ADGRL2: variants seen among roughly 807,000 people sequenced by gnomAD.
ADGRL2 encodes adhesion G protein-coupled receptor L2.
ADGRL2 carries 44 observed loss-of-function variants against 157.4 expected under a neutral mutation model. The ratio of observed to expected loss-of-function variants is 0.28; its 90% confidence interval spans 0.22 to 0.36. The LOEUF is 0.36. Among genes scored for constraint, ADGRL2 ranks in the 10% least tolerant of loss-of-function variants. ADGRL2 has a pLI of 1.00. For missense variants in ADGRL2, 1,510 were observed against 1,768.9 expected, an observed-to-expected ratio of 0.85 and a Z score of 2.63; for synonymous variants, 585 against 624.7, an observed-to-expected ratio of 0.94 and a Z score of 0.95.
chr1:81,740,873 A>T (rs971920393), intron 1 of ADGRL2, among the ~76,000 whole-genome samples: 5 of 152,170 alleles, frequency 3.3e-5, no homozygotes, highest in Non-Finnish European at 7.4e-5. Flanking sequence ...GTATTAGAGA[A>T]GGAGGGTCAG....
chr1:81,412,557 C>T (rs2076964306), intron 1 of ADGRL2, among the ~76,000 whole-genome samples: 1 of 152,188 alleles, frequency 6.6e-6, no homozygotes, highest in Non-Finnish European at 1.5e-5. Flanking sequence ...ATTTAACTTT[C>T]TCTCCACTTG....
rs777738816 is a variant in ADGRL2 at position 81,942,950 on chromosome 1, C to A, written c.410-19C>A. 6.1e-5 allele frequency: 97 copies of A among 1,579,546 alleles called. No homozygotes were observed. The highest frequency in any genetic ancestry group is 7.8e-5 in the Non-Finnish European group (90 of 1,156,800). On this transcript the variant is annotated intron_variant, in intron 5 of 23. Coordinates refer to ENST00000686636, the MANE Select transcript of ADGRL2 (RefSeq NM_001366006.2). ...TTTTTTAACTTGGCTTAATTTTTGT[C>A]TTTCTCTGTAACTGTTAGTTTTTGT...
intron 2 of ADGRL2, among the ~76,000 whole-genome samples, chr1:81,782,387 G>A (rs947492240): frequency 6.6e-6 from 1 of 152,128 alleles, no homozygotes; most frequent in African/African-American, 2.4e-5. Flanking sequence ...ATATTAATGA[G>A]GGGGTAATTT....
rs1447657850 is a variant in ADGRL2 at position 81,398,443 on chromosome 1, C to A, written c.-301-46593C>A. Among the ~76,000 whole-genome samples the A allele has an allele frequency of 2.0e-5, 3 of 151,992 alleles. No individual in the cohort carries two copies. In the East Asian group the frequency reaches 5.8e-4, roughly 29 times the overall value. ...TTTTCTGTAATGAAAGTATTTGATT[C>A]TTTTCTCTTTTTTTCTCTATCGATC... On this transcript the variant is annotated intron_variant, in intron 1 of 24. Coordinates refer to the ADGRL2 transcript ENST00000370721.
intron 2 of ADGRL2, among the ~76,000 whole-genome samples, chr1:81,771,357 T>C (rs1287074933): frequency 6.6e-6 from 1 of 152,202 alleles, no homozygotes; most frequent in Non-Finnish European, 1.5e-5. Flanking sequence ...AGACATTTAC[T>C]GAATGGGGTG....
At chr1:81,868,096 A>T (rs895099450) in intron 2 of ADGRL2, among the ~76,000 whole-genome samples, 2 of 94,388 alleles carry the variant, frequency 2.1e-5, no homozygotes, top group Admixed American at 1.1e-4. Flanking sequence ...TGTGTGTGTG[A>T]TAAAAATTAT....
intron 1 of ADGRL2, among the ~76,000 whole-genome samples, chr1:81,825,314 G>A (rs749793032): frequency 6.6e-6 from 1 of 152,154 alleles, no homozygotes; most frequent in Non-Finnish European, 1.5e-5. Flanking sequence ...TTGAGCTATG[G>A]TCGTGCCATT....
Position 81,965,663 on chromosome 1 carries a change from T to C in ADGRL2, c.2018-395T>C, listed in dbSNP as rs569101128. Reference sequence around the variant, plus strand: ...TGCCAAGTAATGGTCATTGAAAAGTTACTTAATATAAAGAGCCAAAAAATA... The same window carrying C: ...TGCCAAGTAATGGTCATTGAAAAGTCACTTAATATAAAGAGCCAAAAAATA... On this transcript the variant is annotated intron_variant, in intron 11 of 23. Coordinates refer to ENST00000686636, the MANE Select transcript of ADGRL2 (RefSeq NM_001366006.2). Among the ~76,000 whole-genome samples, 3 of 152,344 alleles carry C rather than the reference T, an allele frequency of 2.0e-5. No individual in the cohort carries two copies. The South Asian group carries it at 6.2e-4, about 32-fold the overall frequency.
intron 1 of ADGRL2, among the ~76,000 whole-genome samples, chr1:81,334,019 T>A (rs891111760): frequency 1.3e-5 from 2 of 152,244 alleles, no homozygotes; most frequent in Non-Finnish European, 2.9e-5. Flanking sequence ...GGAAACTTGA[T>A]CTTAGACTTC....
At chr1:81,673,029 T>G (rs2082907347) in intron 3 of ADGRL2, among the ~76,000 whole-genome samples, 1 of 152,236 alleles carries the variant, frequency 6.6e-6, no homozygotes, top group Admixed American at 6.5e-5. Flanking sequence ...GATTGAAACC[T>G]TTAGGAAGCA....
At chr1:81,951,244 A>C in intron 8 of ADGRL2, 123 bp downstream of exon 8, 1 of 602,618 alleles carries the variant, frequency 1.7e-6, no homozygotes, top group Non-Finnish European at 2.9e-6. Context: ...AAAGTAAAAA[A>C]AAATTACGCA....
Position 81,606,778 on chromosome 1 carries a change from ACG to A in ADGRL2, c.-143+25801_-143+25802del, listed in dbSNP as rs1313021608. On this transcript the variant is annotated intron_variant, in intron 3 of 24. Coordinates refer to the ADGRL2 transcript ENST00000370721. ...TGTGTGTGTGTGTGTGTGTGTGCGC[ACG>A]CGTGTGTGTGTGTTTATGGCCTAGG... 9.9e-4 allele frequency among the ~76,000 whole-genome samples: 141 copies of A among 141,894 alleles called. No individual in the cohort carries two copies. The Middle Eastern group carries it at 0.011, about 11-fold the overall frequency. 93.1% of individuals were successfully genotyped at this position (141,894 alleles called of 152,430 possible).
At chr1:81,367,221 T>C (rs1009048346) in intron 1 of ADGRL2, among the ~76,000 whole-genome samples, 6 of 147,338 alleles carry the variant, frequency 4.1e-5, no homozygotes, top group African/African-American at 1.5e-4. Context: ...TTTATCAGCT[T>C]TTATTTTAAG....
chr1:81,555,280 T>TC (rs1281604182), intron 2 of ADGRL2, among the ~76,000 whole-genome samples: 1 of 150,724 alleles, frequency 6.6e-6, no homozygotes, highest in Non-Finnish European at 1.5e-5. Context: ...TTTTTTTTTT[T>TC]TTTTGAGATG....
chr1:81,735,597 C>A (rs2084868340), intron 1 of ADGRL2, among the ~76,000 whole-genome samples: 1 of 150,898 alleles, frequency 6.6e-6, no homozygotes, highest in African/African-American at 2.4e-5. Context: ...CAAGAACAGC[C>A]TAGCCAACAT....
chr1:81,840,934 A>G, intron 2 of ADGRL2, among the ~76,000 whole-genome samples: 1 of 152,116 alleles, frequency 6.6e-6, no homozygotes, highest in South Asian at 2.1e-4. Flanking sequence ...CATAGTACCC[A>G]CTGTGGAATC....
chr1:81,541,899 G>A (rs776372823), intron 2 of ADGRL2, among the ~76,000 whole-genome samples: 17 of 151,998 alleles, frequency 1.1e-4, no homozygotes, highest in South Asian at 4.1e-4. Context: ...TGGAGTTTGC[G>A]GTGAGCCGAG....
At chr1:81,400,985 T>C (rs1474080123) in intron 1 of ADGRL2, among the ~76,000 whole-genome samples, 2 of 152,284 alleles carry the variant, frequency 1.3e-5, no homozygotes, top group South Asian at 2.1e-4. Context: ...CAGGGAACAA[T>C]GTGCCTTCTT....
At chr1:81,328,716 C>T (rs1382033359) in intron 1 of ADGRL2, among the ~76,000 whole-genome samples, 2 of 151,784 alleles carry the variant, frequency 1.3e-5, no homozygotes, top group East Asian at 1.9e-4. Context: ...GTTAAAGTAC[C>T]CTGTGGTAAG....
Sources: gnomAD v4.1 joint callset for allele counts (sites outside exome capture counted in the v4.1 genomes callset) on GRCh38, gnomAD v4.1.1 for gene constraint, MANE v1.5 for transcripts, NCBI Gene and HGNC (gene_info 2026-07-23, HGNC 2026-07-21) for gene names.